Variants in RBM46 observed in about 807,000 individuals in gnomAD.
The protein encoded by RBM46 is probable RNA-binding protein 46.
Under a neutral mutation model 43.3 loss-of-function variants are expected in RBM46, and 12 were observed. That is an observed-to-expected ratio of 0.28 (90% CI 0.18 to 0.45). The LOEUF is 0.45. Among genes scored for constraint, RBM46 ranks in the 20% least tolerant of loss-of-function variants. The pLI is 1.00. For missense variants in RBM46, 412 were observed against 639.1 expected (o/e 0.64, Z 3.83); for synonymous variants, 205 against 207.6 (o/e 0.99, Z 0.11).
chr4:154,789,293 T>G (rs1733956880), intron 1 of RBM46, among the ~76,000 whole-genome samples: 1 of 152,232 alleles, frequency 6.6e-6, no homozygotes, highest in Non-Finnish European at 1.5e-5. Flanking sequence ...GCCCATTCAG[T>G]ATGATACTGG....
At chr4:154,792,793 A>G (rs1734164581) in intron 1 of RBM46, among the ~76,000 whole-genome samples, 1 of 152,238 alleles carries the variant, frequency 6.6e-6, no homozygotes, top group African/African-American at 2.4e-5. Flanking sequence ...GAATTTGCAA[A>G]TAGGTCAGCA....
At chr4:154,811,788 C>G (rs753814933) in intron 4 of RBM46, among the ~76,000 whole-genome samples, 14 of 151,836 alleles carry the variant, frequency 9.2e-5, no homozygotes, top group Admixed American at 2.0e-4. Flanking sequence ...TCAAGTGATT[C>G]TCCTGCCTCA....
chr4:154,808,455 T>G (rs929415784), intron 4 of RBM46, among the ~76,000 whole-genome samples: 5 of 152,064 alleles, frequency 3.3e-5, no homozygotes, highest in African/African-American at 1.2e-4. Context: ...AATTTTTTTC[T>G]TGTTAACTTT....
At chr4:154,821,410 A>G (rs1170371667) in intron 4 of RBM46, among the ~76,000 whole-genome samples, 2 of 151,564 alleles carry the variant, frequency 1.3e-5, no homozygotes, top group South Asian at 2.1e-4. Context: ...TTTTTAACCT[A>G]TACTGAAGCC....
At chr4:154,792,468 C>A (rs12645089) in intron 1 of RBM46, among the ~76,000 whole-genome samples, 32,775 of 152,018 alleles carry the variant, frequency 0.22, 4,126 homozygotes, top group Middle Eastern at 0.3. Flanking sequence ...TCTCTCCTTC[C>A]GTGTCTCATT....
At chr4:154,783,274 T>C (rs1415576852) in intron 1 of RBM46, among the ~76,000 whole-genome samples, 1 of 152,166 alleles carries the variant, frequency 6.6e-6, no homozygotes, top group Admixed American at 6.6e-5. Context: ...ATAATACATA[T>C]CAACACTTAA....
At chr4:154,792,589 T>C (rs754655417) in intron 1 of RBM46, among the ~76,000 whole-genome samples, 4 of 152,096 alleles carry the variant, frequency 2.6e-5, no homozygotes, top group Non-Finnish European at 5.9e-5. Context: ...ATGGAGGGAA[T>C]TGACAGTCAC....
chr4:154,828,280 CTTGATAAA>C lies in RBM46; in HGVS notation c.*214_*221del, dbSNP rs1736061945. Reference sequence around the variant, plus strand: ...TTTAAAAAGTTATTCAGTGGTTTCTCTTGATAAAGGTACAGCAAACTACTATTCTTTTT... The same window carrying C: ...TTTAAAAAGTTATTCAGTGGTTTCTCGGTACAGCAAACTACTATTCTTTTT... On this transcript the variant is annotated 3_prime_UTR_variant, in exon 5 of 5. Transcript: ENST00000281722. 1 of 536,902 alleles carries C rather than the reference CTTGATAAA, an allele frequency of 1.9e-6. No homozygotes were observed. The highest frequency in any genetic ancestry group is 3.2e-5 in the East Asian group (1 of 31,352). 33.3% of individuals were successfully genotyped at this position (536,902 alleles called of 1,614,324 possible).
At chr4:154,809,204 AT>A (rs1028500892) in intron 4 of RBM46, among the ~76,000 whole-genome samples, 1 of 151,554 alleles carries the variant, frequency 6.6e-6, no homozygotes, top group Non-Finnish European at 1.5e-5. Context: ...TTATTTATGT[AT>A]TTTTTTATTG....
intron 4 of RBM46, chr4:154,827,447 A>T: frequency 1.0e-6 from 1 of 996,070 alleles, no homozygotes; most frequent in Non-Finnish European, 1.2e-6. Context: ...TGCTGGTTTG[A>T]TGCCTAATAC....
At chr4:154,804,856 CCT>C (rs1346900355) in intron 4 of RBM46, among the ~76,000 whole-genome samples, 9 of 142,582 alleles carry the variant, frequency 6.3e-5, no homozygotes, top group African/African-American at 2.3e-4. Flanking sequence ...TTTTTGAAAG[CCT>C]CTTACATGCT....
At chr4:154,786,561 AATT>A (rs1458079496) in intron 1 of RBM46, among the ~76,000 whole-genome samples, 1 of 152,162 alleles carries the variant, frequency 6.6e-6, no homozygotes, top group African/African-American at 2.4e-5. Context: ...CCTTGATAAA[AATT>A]ATTGTCTACT....
At chr4:154,801,266 A>T (rs1734625781) in intron 4 of RBM46, among the ~76,000 whole-genome samples, 1 of 152,264 alleles carries the variant, frequency 6.6e-6, no homozygotes, top group South Asian at 2.1e-4. Flanking sequence ...TTTTTAAGAG[A>T]TTCTGATTTG....
intron 4 of RBM46, chr4:154,827,464 A>C: frequency 1.0e-6 from 1 of 1,004,322 alleles, no homozygotes; most frequent in Non-Finnish European, 1.2e-6. Flanking sequence ...ATACAGCTTC[A>C]AAGAAAAAAA....
At chr4:154,818,720 C>A (rs939023782) in intron 4 of RBM46, among the ~76,000 whole-genome samples, 13 of 152,036 alleles carry the variant, frequency 8.6e-5, no homozygotes, top group African/African-American at 2.4e-4. Flanking sequence ...ATATGTTAAA[C>A]CTTTTTACTG....
At chr4:154,798,374 C>G in intron 3 of RBM46, 96 bp downstream of exon 3, 1 of 739,422 alleles carries the variant, frequency 1.4e-6, no homozygotes, top group Admixed American at 3.3e-5. Context: ...ACTAATGTCA[C>G]TTAAAGAAGA....
At chr4:154,820,363 A>G (rs1342011921) in intron 4 of RBM46, 24 of 1,520,972 alleles carry the variant, frequency 1.6e-5, no homozygotes, top group Non-Finnish European at 2.1e-5. Context: ...CTGCTTACAG[A>G]CAGGGAACAC....
intron 4 of RBM46, among the ~76,000 whole-genome samples, chr4:154,823,230 C>G (rs1735800202): frequency 6.6e-6 from 1 of 151,736 alleles, no homozygotes. Context: ...AATACAAAGG[C>G]TAGTAGTTGC....
At chr4:154,781,826 C>CGCCGACG (rs1225146231) in intron 1 of RBM46, 1 of 152,466 alleles carries the variant, frequency 6.6e-6, no homozygotes, top group East Asian at 1.9e-4. Context: ...GACACGCTTA[C>CGCCGACG]GCCGACGACC....
Sources: allele counts gnomAD v4.1 joint callset (sites outside exome capture counted in the v4.1 genomes callset), GRCh38; gene constraint gnomAD v4.1.1; transcripts MANE v1.5; gene names NCBI Gene and HGNC (gene_info 2026-07-23, HGNC 2026-07-21).